The following MMRN1 variants were observed in gnomAD, a reference collection of about 807,000 sequenced individuals.
The protein encoded by MMRN1 is multimerin-1.
A neutral mutation model predicts 100.7 loss-of-function variants in MMRN1; 94 were observed. The observed-to-expected ratio is 0.93, with a 90% CI of 0.79 to 1.11. The LOEUF (loss-of-function observed/expected upper bound fraction) is 1.11, where lower values mean the gene tolerates loss of function less well. MMRN1 is among the 50% of genes least tolerant of loss of function. The probability of loss-of-function intolerance (pLI) is 0.00; values close to 1 mark genes in which losing one functional copy is unlikely to be tolerated. For synonymous variants in MMRN1, 575 were observed against 505.0 expected (o/e 1.14, Z -1.86); for missense variants, 1,606 against 1,439.1 (o/e 1.12, Z -1.88).
chr4:89,930,198 T>G (rs1722393184), intron 5 of MMRN1, among the ~76,000 whole-genome samples: 1 of 152,200 alleles, frequency 6.6e-6, no homozygotes, highest in African/African-American at 2.4e-5. Context: ...GATGCTTGTT[T>G]AGTAACAAAT....
At chr4:89,883,810 T>A (rs1245458639) in intron 1 of MMRN1, among the ~76,000 whole-genome samples, 1 of 152,132 alleles carries the variant, frequency 6.6e-6, no homozygotes, top group Non-Finnish European at 1.5e-5. Context: ...AAATAAATCT[T>A]TCTCTATACC....
At chr4:89,916,797 T>C (rs1451633254) in intron 3 of MMRN1, among the ~76,000 whole-genome samples, 1 of 151,776 alleles carries the variant, frequency 6.6e-6, no homozygotes, top group Non-Finnish European at 1.5e-5. Context: ...ATCTCCCGCA[T>C]ATCACTGTCT....
chr4:89,895,991 G>A (rs911804135), intron 1 of MMRN1, among the ~76,000 whole-genome samples: 3 of 152,118 alleles, frequency 2.0e-5, no homozygotes, highest in Non-Finnish European at 4.4e-5. Context: ...TTGAACAGAT[G>A]TGAAAATTGG....
intron 4 of MMRN1, among the ~76,000 whole-genome samples, chr4:89,925,611 C>CACG (rs1722229202): frequency 6.6e-6 from 1 of 151,730 alleles, no homozygotes; most frequent in Non-Finnish European, 1.5e-5. Flanking sequence ...GCGGGTGGAT[C>CACG]ACGAGGTCAG....
chr4:89,932,725 A>T (rs946660926), intron 5 of MMRN1, among the ~76,000 whole-genome samples: 3 of 152,122 alleles, frequency 2.0e-5, no homozygotes, highest in Non-Finnish European at 1.5e-5. Flanking sequence ...TGGGACACAG[A>T]GCACCAAGCC....
At chr4:89,946,157 T>C (rs1722979697) in intron 6 of MMRN1, among the ~76,000 whole-genome samples, 1 of 152,182 alleles carries the variant, frequency 6.6e-6, no homozygotes, top group Admixed American at 6.6e-5. Flanking sequence ...ATGTGTCCAT[T>C]AATATGGAAA....
In MMRN1 at chr4:89,953,411, G is replaced by A. The variant is rs147451161; in HGVS notation, c.3680G>A (p.Arg1227His). Reference protein sequence around the residue: ...VTTFSGYLLYRT With the variant: ...VTTFSGYLLYHT The stretch of plus-strand genomic sequence containing the variant: ...ACATTTAGTGGCTATTTATTATATC[G>A]TACATAAGTTAGTATGAAAAACAGA... Residue 1227 changes from arginine to histidine, a missense_variant, in exon 8 of 8, where the codon CGT becomes CAT. Arg to His is a conservative substitution (Grantham distance 29). Coordinates refer to ENST00000264790, the MANE Select transcript of MMRN1 (RefSeq NM_007351.3). The A allele has an allele frequency of 6.2e-5, 99 of 1,588,784 alleles. No individual in the cohort carries two copies. The African/African-American group carries it at 6.7e-4, about 11-fold the overall frequency.
intron 4 of MMRN1, among the ~76,000 whole-genome samples, chr4:89,926,908 CA>C: frequency 6.6e-6 from 1 of 152,192 alleles, no homozygotes; most frequent in Non-Finnish European, 1.5e-5. Flanking sequence ...TGGTTTTTGG[CA>C]CCTTTGTTGA....
chr4:89,912,576 T>C (rs1721789503), intron 3 of MMRN1, among the ~76,000 whole-genome samples: 1 of 151,018 alleles, frequency 6.6e-6, no homozygotes, highest in Admixed American at 6.6e-5. Context: ...TTAAGGACTT[T>C]CTGGTGGCAA....
intron 1 of MMRN1, among the ~76,000 whole-genome samples, chr4:89,888,716 T>G (rs545023413): frequency 6.6e-5 from 10 of 152,248 alleles, no homozygotes; most frequent in African/African-American, 2.4e-4. Flanking sequence ...ATATTTCCAG[T>G]ATGCTATCAA....
At position 89,927,854 on chromosome 4, in the gene MMRN1, CAGA is replaced by C. The variant is rs1722310715; in HGVS notation, c.1022_1024del (p.Lys341del). 1 of 1,612,490 alleles carries C rather than the reference CAGA, an allele frequency of 6.2e-7. No homozygotes were observed. Among genetic ancestry groups the C allele is most frequent in the Non-Finnish European group, 8.5e-7 (1 of 1,179,216 alleles). On this transcript the variant is annotated inframe_deletion, in exon 5 of 8. Coordinates refer to ENST00000264790, the MANE Select transcript of MMRN1 (RefSeq NM_007351.3). ...CCAGGCAATGAAACTGACTCTTCTG[CAGA>C]AGAAGATTGACAATATTTCTTTGAC...
chr4:89,879,862 G>A (rs1486365117), intron 1 of MMRN1, among the ~76,000 whole-genome samples: 2 of 152,150 alleles, frequency 1.3e-5, no homozygotes, highest in East Asian at 1.9e-4. Flanking sequence ...AAGCATTTAT[G>A]TTGAAAACTG....
At chr4:89,914,288 C>T (rs1285805043) in intron 3 of MMRN1, among the ~76,000 whole-genome samples, 2 of 151,292 alleles carry the variant, frequency 1.3e-5, no homozygotes, top group Non-Finnish European at 3.0e-5. Context: ...TTCTTTTATA[C>T]CCTTCTTTCT....
Position 89,936,327 on chromosome 4 carries a change from G to A in MMRN1, c.2647G>A (p.Gly883Ser), listed in dbSNP as rs750485732. The A allele has an allele frequency of 6.2e-7, 1 of 1,612,696 alleles. No individual in the cohort carries two copies. The highest frequency in any genetic ancestry group is 8.5e-7 in the Non-Finnish European group (1 of 1,179,456). ...ACCTTATTATATTTCAGTTAAAAAA[G>A]GCAGTGTAGTTACAAATGAGAGAGA... ...LIPYYISVKK[G>S]SVVTNERDQA... The change falls in exon 6 of 8, where the codon GGC (glycine) becomes AGC (serine). Residue 883 changes from glycine (G) to serine (S), a missense_variant. Coordinates refer to ENST00000264790, the MANE Select transcript of MMRN1 (RefSeq NM_007351.3).
At chr4:89,891,993 C>T (rs1721065805), upstream of MMRN1, among the ~76,000 whole-genome samples, 1 of 151,842 alleles carries the variant, frequency 6.6e-6, no homozygotes, top group African/African-American at 2.4e-5. Flanking sequence ...TCTCTTTTAA[C>T]TCACATTTAT....
In MMRN1 at chr4:89,889,074, C is replaced by T. The variant is rs369086995; in HGVS notation, c.-248-5650C>T. On this transcript the variant is annotated intron_variant, in intron 1 of 8. Transcript: ENST00000394980. ...AGAAGGACATTCTTATTCTGTTAGCCGTTTAGTGTAGGAGCTGAGTTATCC... is the reference window on the plus strand; with the variant it reads ...AGAAGGACATTCTTATTCTGTTAGCTGTTTAGTGTAGGAGCTGAGTTATCC... 5.5e-4 allele frequency among the ~76,000 whole-genome samples: 84 copies of T among 152,116 alleles called. No individual in the cohort carries two copies. The East Asian group carries it at 6.2e-3, about 11-fold the overall frequency.
At chr4:89,900,884 G>T (rs1299613990) in intron 1 of MMRN1, among the ~76,000 whole-genome samples, 2 of 152,154 alleles carry the variant, frequency 1.3e-5, no homozygotes, top group East Asian at 3.9e-4. Context: ...GATAGTGGTG[G>T]ATGCCAACAA....
chr4:89,907,821 G>GTTTTTTTT (rs1377670700), intron 1 of MMRN1, among the ~76,000 whole-genome samples: 1 of 126,390 alleles, frequency 7.9e-6, no homozygotes, highest in African/African-American at 3.3e-5. Flanking sequence ...TGTCATGCCT[G>GTTTTTTTT]TTTTTTTGTT....
chr4:89,934,334 T>C (rs893481521), intron 5 of MMRN1, among the ~76,000 whole-genome samples: 2 of 152,176 alleles, frequency 1.3e-5, no homozygotes, highest in Non-Finnish European at 2.9e-5. Context: ...GGTTTTTCCC[T>C]GCAGTCAATT....
Sources: allele counts gnomAD v4.1 joint callset (sites outside exome capture counted in the v4.1 genomes callset), GRCh38; gene constraint gnomAD v4.1.1; transcripts MANE v1.5; gene names NCBI Gene and HGNC (gene_info 2026-07-23, HGNC 2026-07-21).